ROBO2: variants seen among roughly 807,000 people sequenced by gnomAD.
The protein encoded by ROBO2 is roundabout guidance receptor 2.
In ROBO2, 53 loss-of-function variants were observed where a neutral mutation model predicts 160.8. That is an observed-to-expected ratio of 0.33 (90% confidence interval 0.26 to 0.41). The LOEUF (loss-of-function observed/expected upper bound fraction) is 0.41. Ranked by LOEUF, ROBO2 falls within the 10% of genes least tolerant of loss-of-function variation. The pLI, the probability that ROBO2 is intolerant of heterozygous loss-of-function variation, is 1.00. For synonymous variants in ROBO2, 664 were observed against 611.7 expected (o/e 1.09, Z -1.26); for missense variants, 1,577 against 1,722.4 (o/e 0.92, Z 1.49).
intron 2 of ROBO2, among the ~76,000 whole-genome samples, chr3:77,113,596 G>A (rs956664380): frequency 1.6e-4 from 24 of 152,268 alleles, no homozygotes; most frequent in Admixed American, 6.5e-4. Context: ...ATCTCTCTTT[G>A]TATCAGATGA....
chr3:76,751,934 A>G (rs920409823), intron 2 of ROBO2, among the ~76,000 whole-genome samples: 3 of 152,156 alleles, frequency 2.0e-5, no homozygotes, highest in Non-Finnish European at 2.9e-5. Context: ...CAGCCATCCC[A>G]TTACTGGGTA....
chr3:76,882,686 A>G (rs1354550879), intron 2 of ROBO2, among the ~76,000 whole-genome samples: 1 of 152,176 alleles, frequency 6.6e-6, no homozygotes, highest in Non-Finnish European at 1.5e-5. Flanking sequence ...GCTTTTAAAA[A>G]TCTATCAGAA....
intron 2 of ROBO2, among the ~76,000 whole-genome samples, chr3:77,299,169 A>C (rs1010787150): frequency 1.3e-5 from 2 of 152,226 alleles, no homozygotes; most frequent in Non-Finnish European, 2.9e-5. Flanking sequence ...TTTTTAAAAT[A>C]TAAGTTGAGA....
chr3:77,185,053 A>C (rs1292178786), intron 2 of ROBO2, among the ~76,000 whole-genome samples: 1 of 152,144 alleles, frequency 6.6e-6, no homozygotes, highest in African/African-American at 2.4e-5. Context: ...CAGATTTGGC[A>C]AAATTTGACA....
Position 77,597,407 on chromosome 3 carries a change from G to A in ROBO2, c.2854+657G>A, listed in dbSNP as rs550722965. Among the ~76,000 whole-genome samples, 4 of 152,230 alleles carry A rather than the reference G, an allele frequency of 2.6e-5. No individual in the cohort carries two copies. In the South Asian group the frequency reaches 6.2e-4, roughly 24 times the overall value. On this transcript the variant is annotated intron_variant, in intron 19 of 25. Coordinates refer to ENST00000461745, the Ensembl canonical transcript of ROBO2. ...AGTCCTCTCCCTGTGGGTTTGTAAG[G>A]AGACACAAGTAACCTACTGTAAATA...
At chr3:77,386,143 T>A (rs2074076118) in intron 2 of ROBO2, among the ~76,000 whole-genome samples, 1 of 152,190 alleles carries the variant, frequency 6.6e-6, no homozygotes, top group Non-Finnish European at 1.5e-5. Context: ...TATTACTTTA[T>A]CTTTATGGGA....
chr3:77,242,787 A>C (rs1030845413), intron 2 of ROBO2, among the ~76,000 whole-genome samples: 1 of 151,320 alleles, frequency 6.6e-6, no homozygotes, highest in Admixed American at 6.6e-5. Context: ...TAGGAAGTCT[A>C]CTTCCTTCTT....
intron 2 of ROBO2, among the ~76,000 whole-genome samples, chr3:75,957,623 T>C (rs1177214909): frequency 6.6e-6 from 1 of 151,578 alleles, no homozygotes; most frequent in Non-Finnish European, 1.5e-5. Context: ...TTTAAGTTAA[T>C]GTCCAACTTG....
chr3:77,464,547 G>A (rs2082571928), intron 2 of ROBO2, among the ~76,000 whole-genome samples: 1 of 152,140 alleles, frequency 6.6e-6, no homozygotes, highest in African/African-American at 2.4e-5. Flanking sequence ...GAGTTACAGG[G>A]GGAGGAAGGG....
chr3:77,416,081 G>A (rs1360185520), intron 2 of ROBO2, among the ~76,000 whole-genome samples: 3 of 152,184 alleles, frequency 2.0e-5, no homozygotes, highest in Admixed American at 2.0e-4. Flanking sequence ...AGACATTGGA[G>A]AGTGGACAAG....
chr3:76,081,837 TACACACACACACAC>T (rs55705748), intron 2 of ROBO2, among the ~76,000 whole-genome samples: 26 of 148,072 alleles, frequency 1.8e-4, no homozygotes, highest in African/African-American at 6.4e-4. Flanking sequence ...TGTAAATACA[TACACACACACACAC>T]ACACACACAC....
intron 2 of ROBO2, among the ~76,000 whole-genome samples, chr3:76,018,234 A>G (rs1047854775): frequency 3.3e-5 from 5 of 152,030 alleles, no homozygotes; most frequent in African/African-American, 1.2e-4. Flanking sequence ...AAAAAACACT[A>G]AGTAAAACAT....
intron 2 of ROBO2, among the ~76,000 whole-genome samples, chr3:76,003,785 C>T (rs2284): frequency 0.11 from 16,830 of 152,248 alleles, 1,173 homozygotes; most frequent in Non-Finnish European, 0.15. Context: ...TAATCCCTCA[C>T]GGAGAACGTG....
At chr3:76,618,246 C>A (rs917338249) in intron 2 of ROBO2, among the ~76,000 whole-genome samples, 2 of 151,480 alleles carry the variant, frequency 1.3e-5, no homozygotes, top group African/African-American at 4.9e-5. Flanking sequence ...AAAAGTATTA[C>A]CCCATGCTTG....
At chr3:76,328,235 T>C (rs1336401270) in intron 2 of ROBO2, among the ~76,000 whole-genome samples, 1 of 152,190 alleles carries the variant, frequency 6.6e-6, no homozygotes. Context: ...TATCTACATA[T>C]TCCCGTCCAA....
At chr3:77,475,070 A>C (rs1473748930) in intron 2 of ROBO2, among the ~76,000 whole-genome samples, 1 of 150,688 alleles carries the variant, frequency 6.6e-6, no homozygotes, top group African/African-American at 2.4e-5. Context: ...TTTTCAACTG[A>C]GAGAGAGAGA....
At chr3:77,529,518 G>C (rs976451375) in intron 6 of ROBO2, among the ~76,000 whole-genome samples, 1 of 151,654 alleles carries the variant, frequency 6.6e-6, no homozygotes, top group African/African-American at 2.4e-5. Context: ...AATATACCAT[G>C]AGCACTTGAT....
chr3:75,947,103 A>G (rs1223340105), intron 2 of ROBO2, among the ~76,000 whole-genome samples: 3 of 152,118 alleles, frequency 2.0e-5, no homozygotes, highest in Non-Finnish European at 4.4e-5. Context: ...ATTTAGGGAC[A>G]TGGGGGATTA....
At position 76,004,845 on chromosome 3, in the gene ROBO2, C is replaced by G. The variant is rs76510979; in HGVS notation, c.109+67243C>G. ...ACTGTAAACATTTGTCAAAATTCATCAAAATGAACACTTAAGAAAGAAAAT... is the reference window on the plus strand; with the variant it reads ...ACTGTAAACATTTGTCAAAATTCATGAAAATGAACACTTAAGAAAGAAAAT... On this transcript the variant is annotated intron_variant, in intron 2 of 26. Coordinates refer to the ROBO2 transcript ENST00000487694. 6.8e-3 allele frequency among the ~76,000 whole-genome samples: 1,040 copies of G among 152,226 alleles called. 70 individuals are homozygous for G. In the East Asian group the frequency reaches 0.17, roughly 25 times the overall value.
Sources: gnomAD v4.1 joint callset for allele counts (sites outside exome capture counted in the v4.1 genomes callset) on GRCh38, gnomAD v4.1.1 for gene constraint, MANE v1.5 for transcripts, NCBI Gene and HGNC (gene_info 2026-07-23, HGNC 2026-07-21) for gene names.